GAREM1: variants seen among roughly 807,000 people sequenced by gnomAD.
The protein encoded by GAREM1 is GRB2-associated and regulator of MAPK protein 1.
A neutral mutation model predicts 71.3 loss-of-function variants in GAREM1; 26 were observed. The ratio of observed to expected loss-of-function variants is 0.36; its 90% CI spans 0.27 to 0.51. The LOEUF (loss-of-function observed/expected upper bound fraction) is 0.51, where lower values mean the gene tolerates loss of function less well. GAREM1 is among the 20% of genes least tolerant of loss of function. The probability of loss-of-function intolerance (pLI) is 0.95; values close to 1 mark genes in which losing one functional copy is unlikely to be tolerated. For missense variants in GAREM1, 1,026 were observed against 1,103.1 expected (o/e 0.93, Z 0.99); for synonymous variants, 440 against 433.2 (o/e 1.02, Z -0.20).
At chr18:32,306,910 T>G (rs975517990) in intron 3 of GAREM1, among the ~76,000 whole-genome samples, 20 of 152,070 alleles carry the variant, frequency 1.3e-4, no homozygotes, top group Non-Finnish European at 2.5e-4. Context: ...ATGAATTCAT[T>G]TCACGCAGTT....
intron 2 of GAREM1, among the ~76,000 whole-genome samples, chr18:32,389,846 G>T (rs1331167738): frequency 6.6e-6 from 1 of 152,006 alleles, no homozygotes; most frequent in East Asian, 1.9e-4. Flanking sequence ...ATCATATCAA[G>T]ACTCCTGGGT....
At chr18:32,294,027 G>T (rs1452023155) in intron 3 of GAREM1, among the ~76,000 whole-genome samples, 1 of 152,148 alleles carries the variant, frequency 6.6e-6, no homozygotes. Flanking sequence ...AATGAAATAA[G>T]TAATTGTTCC....
chr18:32,335,531 C>T (rs964279396), intron 2 of GAREM1, among the ~76,000 whole-genome samples: 1 of 152,152 alleles, frequency 6.6e-6, no homozygotes, highest in African/African-American at 2.4e-5. Flanking sequence ...CAGCAAAACA[C>T]AAACAAAACA....
At chr18:32,324,916 A>C (rs1242605631) in intron 2 of GAREM1, among the ~76,000 whole-genome samples, 1 of 152,208 alleles carries the variant, frequency 6.6e-6, no homozygotes, top group East Asian at 1.9e-4. Flanking sequence ...GTGGTTACCA[A>C]GGGTTAGGGA....
intron 4 of GAREM1, among the ~76,000 whole-genome samples, chr18:32,281,732 T>C (rs1479910972): frequency 6.6e-6 from 1 of 152,206 alleles, no homozygotes; most frequent in Non-Finnish European, 1.5e-5. Flanking sequence ...CCCAGCACTT[T>C]GGGAGGCTGA....
At chr18:32,415,640 G>A (rs532302044) in intron 1 of GAREM1, among the ~76,000 whole-genome samples, 14 of 151,946 alleles carry the variant, frequency 9.2e-5, no homozygotes, top group Non-Finnish European at 1.0e-4. Flanking sequence ...TCATTTTACT[G>A]ATGCTGAAAA....
At chr18:32,335,653 G>A (rs904446839) in intron 2 of GAREM1, among the ~76,000 whole-genome samples, 1 of 152,154 alleles carries the variant, frequency 6.6e-6, no homozygotes, top group Middle Eastern at 3.2e-3. Context: ...TGAACTACAT[G>A]TATCCATCTC....
intron 4 of GAREM1, among the ~76,000 whole-genome samples, chr18:32,272,627 CTT>C (rs549844914): frequency 2.1e-5 from 3 of 143,996 alleles, no homozygotes; most frequent in Non-Finnish European, 3.1e-5. Context: ...ATTCTGGGGT[CTT>C]TTTTTTTTTT....
intron 1 of GAREM1, among the ~76,000 whole-genome samples, chr18:32,401,332 AAAT>A (rs1000165447): frequency 2.6e-5 from 4 of 152,178 alleles, no homozygotes; most frequent in South Asian, 4.1e-4. Context: ...TAAAAATAAA[AAAT>A]AATAATAAAG....
chr18:32,447,547 C>T (rs911077553), intron 1 of GAREM1, among the ~76,000 whole-genome samples: 12 of 152,000 alleles, frequency 7.9e-5, no homozygotes, highest in African/African-American at 2.9e-4. Context: ...TTTCTTATCG[C>T]ATCATAACAA....
intron 1 of GAREM1, among the ~76,000 whole-genome samples, chr18:32,462,871 T>C (rs749889870): frequency 6.6e-6 from 1 of 152,150 alleles, no homozygotes; most frequent in African/African-American, 2.4e-5. Context: ...AAAAAGGACA[T>C]GAAATCAGCA....
intron 2 of GAREM1, among the ~76,000 whole-genome samples, chr18:32,390,425 A>G (rs1004255065): frequency 2.0e-5 from 3 of 152,178 alleles, no homozygotes; most frequent in African/African-American, 7.2e-5. Context: ...ATGACCAGCG[A>G]TTCATTCTAT....
At chr18:32,368,538 C>T (rs952934634) in intron 2 of GAREM1, among the ~76,000 whole-genome samples, 2 of 152,124 alleles carry the variant, frequency 1.3e-5, no homozygotes, top group South Asian at 2.1e-4. Flanking sequence ...CACTAGTCTC[C>T]TTTTTCTACT....
At chr18:32,351,472 C>A (rs2047750106) in intron 2 of GAREM1, among the ~76,000 whole-genome samples, 1 of 152,026 alleles carries the variant, frequency 6.6e-6, no homozygotes, top group Non-Finnish European at 1.5e-5. Context: ...CCATGAAAAG[C>A]TTTAAAGTGC....
intron 2 of GAREM1, among the ~76,000 whole-genome samples, chr18:32,311,736 G>A (rs1051985890): frequency 6.6e-6 from 1 of 152,242 alleles, no homozygotes; most frequent in Admixed American, 6.5e-5. Flanking sequence ...TGGGATAAGG[G>A]AAGAGGGGAA....
intron 2 of GAREM1, among the ~76,000 whole-genome samples, chr18:32,368,863 C>T (rs2047950995): frequency 6.6e-6 from 1 of 152,014 alleles, no homozygotes; most frequent in Non-Finnish European, 1.5e-5. Flanking sequence ...TAAAATTAAA[C>T]CAACAAAAGG....
At chr18:32,327,811 C>T (rs1052939154) in intron 2 of GAREM1, among the ~76,000 whole-genome samples, 2 of 152,148 alleles carry the variant, frequency 1.3e-5, no homozygotes, top group African/African-American at 4.8e-5. Flanking sequence ...TGAATCTCAG[C>T]TTTGGCCTTG....
At chr18:32,425,965 G>A (rs1023654672) in intron 1 of GAREM1, among the ~76,000 whole-genome samples, 1 of 151,836 alleles carries the variant, frequency 6.6e-6, no homozygotes, top group African/African-American at 2.4e-5. Flanking sequence ...ATAAGCCTTT[G>A]ACTATTTCTA....
chr18:32,373,976 A>G (rs1365582598), intron 2 of GAREM1, among the ~76,000 whole-genome samples: 2 of 151,974 alleles, frequency 1.3e-5, no homozygotes, highest in African/African-American at 4.8e-5. Context: ...TTGCCAATAC[A>G]CTCCCTGGGA....
Sources: allele counts gnomAD v4.1 joint callset (sites outside exome capture counted in the v4.1 genomes callset), GRCh38; gene constraint gnomAD v4.1.1; transcripts MANE v1.5; gene names NCBI Gene and HGNC (gene_info 2026-07-23, HGNC 2026-07-21).